The following SETD3 variants were observed in gnomAD, a reference collection of about 807,000 sequenced individuals.
The protein encoded by SETD3 is SET domain containing 3, actin N3(tau)-histidine methyltransferase, also known as actin-histidine N-methyltransferase.
SETD3 carries 19 observed loss-of-function variants against 63.0 expected under a neutral mutation model. The observed-to-expected ratio is 0.30, with a 90% CI of 0.21 to 0.44. SETD3 has a LOEUF of 0.44. Ranked by LOEUF, SETD3 falls within the 20% of genes least tolerant of loss-of-function variation. The pLI is 1.00. For synonymous variants in SETD3, 286 were observed against 264.1 expected (o/e 1.08, Z -0.80); for missense variants, 587 against 728.5 (o/e 0.81, Z 2.24).
intron 6 of SETD3, among the ~76,000 whole-genome samples, chr14:99,417,059 A>G (rs1323476253): frequency 6.6e-6 from 1 of 152,264 alleles, no homozygotes; most frequent in Admixed American, 6.5e-5. Context: ...GACATTTTGA[A>G]GAATTTACCA....
At chr14:99,427,238 G>C (rs1284505912) in intron 6 of SETD3, among the ~76,000 whole-genome samples, 1 of 152,208 alleles carries the variant, frequency 6.6e-6, no homozygotes, top group African/African-American at 2.4e-5. Flanking sequence ...TTACGAAACA[G>C]ACAACTTCTC....
chr14:99,413,445 A>G (rs1249646101), intron 7 of SETD3, among the ~76,000 whole-genome samples: 2 of 152,190 alleles, frequency 1.3e-5, no homozygotes, highest in Non-Finnish European at 2.9e-5. Context: ...AAAGCAAACC[A>G]TAAAACTCCT....
chr14:99,483,818 A>G (rs10144747), upstream of SETD3, among the ~76,000 whole-genome samples: 146,992 of 152,314 alleles, frequency 0.97, 71,121 homozygotes, highest in East Asian at 1. Context: ...GAGATATGCT[A>G]CAGGACTCTG....
chr14:99,433,898 A>T (rs1317313488), intron 6 of SETD3, among the ~76,000 whole-genome samples: 1 of 152,202 alleles, frequency 6.6e-6, no homozygotes, highest in African/African-American at 2.4e-5. Context: ...AGAATATCGC[A>T]AAAAACCAAG....
chr14:99,437,932 C>T (rs1893581303), intron 6 of SETD3, among the ~76,000 whole-genome samples: 1 of 152,196 alleles, frequency 6.6e-6, no homozygotes, highest in Non-Finnish European at 1.5e-5. Context: ...AGCCCACATG[C>T]CCATTCATGA....
At chr14:99,423,170 G>A (rs1221980884) in intron 6 of SETD3, among the ~76,000 whole-genome samples, 1 of 152,172 alleles carries the variant, frequency 6.6e-6, no homozygotes, top group Non-Finnish European at 1.5e-5. Flanking sequence ...TCAGAGGGAA[G>A]TAACAAAACT....
intron 6 of SETD3, among the ~76,000 whole-genome samples, chr14:99,448,522 C>G (rs1019832132): frequency 3.3e-5 from 5 of 152,194 alleles, no homozygotes; most frequent in African/African-American, 9.6e-5. Flanking sequence ...AACCTGAAAA[C>G]AGACATCATT....
In SETD3 at chr14:99,425,740, A is replaced by G. The variant is rs138535016; in HGVS notation, c.676-11806T>C. 2.6e-4 allele frequency among the ~76,000 whole-genome samples: 39 copies of G among 152,344 alleles called. No individual in the cohort carries two copies. In the East Asian group the frequency reaches 7.3e-3, roughly 29 times the overall value. On this transcript the variant is annotated intron_variant, in intron 6 of 12. Coordinates refer to ENST00000331768, the MANE Select transcript of SETD3 (RefSeq NM_032233.3). ...AATGTGGAGTTTAGATTTAGCCTCC[A>G]ATTACTCAGGCTGTAAAGATGGTAC...
At chr14:99,474,255 G>A (rs543500970) in intron 1 of SETD3, among the ~76,000 whole-genome samples, 38 of 152,274 alleles carry the variant, frequency 2.5e-4, no homozygotes, top group African/African-American at 7.7e-4. Flanking sequence ...AACCCAGGAG[G>A]TGGAGATTGC....
intron 6 of SETD3, among the ~76,000 whole-genome samples, chr14:99,431,333 C>T (rs1303574891): frequency 6.6e-6 from 1 of 152,176 alleles, no homozygotes; most frequent in African/African-American, 2.4e-5. Flanking sequence ...GGCCAAGTGA[C>T]CTGCCACCCC....
intron 6 of SETD3, among the ~76,000 whole-genome samples, chr14:99,436,760 C>A (rs1893507212): frequency 6.6e-6 from 1 of 152,182 alleles, no homozygotes; most frequent in African/African-American, 2.4e-5. Context: ...GCAAACAACA[C>A]AGTCACTACT....
chr14:99,429,521 G>A (rs1322079339), intron 6 of SETD3, among the ~76,000 whole-genome samples: 2 of 152,162 alleles, frequency 1.3e-5, no homozygotes, highest in African/African-American at 4.8e-5. Context: ...CTTAGGGTGC[G>A]AGGCATTTGG....
intron 6 of SETD3, among the ~76,000 whole-genome samples, chr14:99,448,657 C>T (rs1344309983): frequency 6.6e-6 from 1 of 152,222 alleles, no homozygotes; most frequent in Admixed American, 6.5e-5. Context: ...GCCTTGTACC[C>T]TCACCATCAT....
intron 6 of SETD3, among the ~76,000 whole-genome samples, chr14:99,424,667 G>A (rs1017730314): frequency 6.6e-6 from 1 of 152,142 alleles, no homozygotes; most frequent in African/African-American, 2.4e-5. Flanking sequence ...TCTAAGGGGG[G>A]TCCCTTCCTC....
At chr14:99,477,748 C>CAAAAAAAAAAAAAAAAAAAAAAAAAAAAA in intron 1 of SETD3, among the ~76,000 whole-genome samples, 1 of 130,542 alleles carries the variant, frequency 7.7e-6, no homozygotes, top group Non-Finnish European at 1.6e-5. Flanking sequence ...AACTCCATCT[C>CAAAAAAAAAAAAAAAAAAAAAAAAAAAAA]AAAAAAAAAA....
At chr14:99,421,294 T>C (rs1892584386) in intron 6 of SETD3, among the ~76,000 whole-genome samples, 1 of 152,144 alleles carries the variant, frequency 6.6e-6, no homozygotes, top group Admixed American at 6.6e-5. Context: ...AGGCTAGAAT[T>C]ATGTATTATC....
At chr14:99,458,198 C>T (rs1894866371) in intron 6 of SETD3, 81 bp downstream of exon 6, 4 of 1,439,308 alleles carry the variant, frequency 2.8e-6, no homozygotes, top group East Asian at 4.6e-5. Flanking sequence ...AATAAGACAT[C>T]AAATGGAATA....
At chr14:99,461,594 T>G (rs1895065222) in intron 3 of SETD3, among the ~76,000 whole-genome samples, 1 of 152,222 alleles carries the variant, frequency 6.6e-6, no homozygotes, top group Non-Finnish European at 1.5e-5. Context: ...AAATATTGAC[T>G]ATTAGGTACT....
chr14:99,480,340 G>A (rs1003789140), intron 1 of SETD3, among the ~76,000 whole-genome samples: 2 of 152,066 alleles, frequency 1.3e-5, no homozygotes, highest in African/African-American at 2.4e-5. Context: ...GCAGGCGCGA[G>A]GGCCGGGGAC....
Sources: gnomAD v4.1 joint callset for allele counts (sites outside exome capture counted in the v4.1 genomes callset) on GRCh38, gnomAD v4.1.1 for gene constraint, MANE v1.5 for transcripts, NCBI Gene and HGNC (gene_info 2026-07-23, HGNC 2026-07-21) for gene names.